The following LMX1A variants were observed in gnomAD, a reference collection of about 807,000 sequenced individuals.
LMX1A encodes LIM homeobox transcription factor 1-alpha.
In LMX1A, 15 loss-of-function variants were observed where a neutral mutation model predicts 49.1. The ratio of observed to expected loss-of-function variants is 0.31; its 90% confidence interval spans 0.20 to 0.47. LMX1A has a LOEUF of 0.47. Among genes scored for constraint, LMX1A ranks in the 20% least tolerant of loss-of-function variants. The pLI, the probability that LMX1A is intolerant of heterozygous loss-of-function variation, is 1.00. For missense variants in LMX1A, 372 were observed against 475.8 expected, an observed-to-expected ratio of 0.78 and a Z score of 2.03; for synonymous variants, 167 against 185.7, an observed-to-expected ratio of 0.90 and a Z score of 0.82.
intron 3 of LMX1A, among the ~76,000 whole-genome samples, chr1:165,311,441 C>T (rs187748949): frequency 5.9e-5 from 9 of 152,194 alleles, no homozygotes; most frequent in African/African-American, 2.2e-4. Context: ...AGGGATGACA[C>T]GACAGGAGTG....
intron 3 of LMX1A, among the ~76,000 whole-genome samples, chr1:165,295,157 G>A (rs1308761403): frequency 1.3e-5 from 2 of 151,902 alleles, no homozygotes. Flanking sequence ...AAATGTGAAA[G>A]AACTTTTAAT....
At chr1:165,225,467 T>C (rs188977402) in intron 4 of LMX1A, among the ~76,000 whole-genome samples, 2 of 152,338 alleles carry the variant, frequency 1.3e-5, no homozygotes. Flanking sequence ...TTGCTGACAG[T>C]ACCATCACAA....
At chr1:165,344,862 G>A (rs538506463) in intron 3 of LMX1A, among the ~76,000 whole-genome samples, 8 of 152,292 alleles carry the variant, frequency 5.3e-5, no homozygotes, top group Middle Eastern at 3.4e-3. Flanking sequence ...CCTTTGCAGG[G>A]CCCCATGCTC....
intron 3 of LMX1A, among the ~76,000 whole-genome samples, chr1:165,279,128 T>A (rs1028823169): frequency 3.9e-5 from 6 of 152,188 alleles, no homozygotes; most frequent in Non-Finnish European, 5.9e-5. Flanking sequence ...CATCAATGAG[T>A]TCCAGAATAG....
At chr1:165,308,184 G>T (rs1459727189) in intron 3 of LMX1A, among the ~76,000 whole-genome samples, 2 of 152,218 alleles carry the variant, frequency 1.3e-5, no homozygotes, top group African/African-American at 4.8e-5. Flanking sequence ...ATATCCACAG[G>T]ACAGGAGGCT....
intron 4 of LMX1A, among the ~76,000 whole-genome samples, chr1:165,224,730 C>T (rs1651974895): frequency 6.6e-6 from 1 of 152,170 alleles, no homozygotes; most frequent in South Asian, 2.1e-4. Context: ...CAATGCGTTG[C>T]ACAAACAAAT....
intron 3 of LMX1A, among the ~76,000 whole-genome samples, chr1:165,335,983 T>C (rs1027616489): frequency 1.3e-5 from 2 of 152,140 alleles, no homozygotes; most frequent in African/African-American, 4.8e-5. Context: ...GAGCCTACTC[T>C]GCAATTGGTT....
chr1:165,234,112 T>C lies in LMX1A; in HGVS notation c.496+15296A>G, dbSNP rs537026450. 3.3e-5 allele frequency among the ~76,000 whole-genome samples: 5 copies of C among 152,328 alleles called. No homozygotes were observed. The South Asian group carries it at 6.2e-4, about 19-fold the overall frequency. ...CATCAGAGTATATTCAAATAAGATA[T>C]ACAAAATCCTTCACATTTTGGCGTT... On this transcript the variant is annotated intron_variant, in intron 4 of 8. Coordinates refer to ENST00000342310, the MANE Select transcript of LMX1A (RefSeq NM_177398.4).
chr1:165,290,862 C>T (rs1015822559), intron 3 of LMX1A, among the ~76,000 whole-genome samples: 1 of 152,158 alleles, frequency 6.6e-6, no homozygotes, highest in African/African-American at 2.4e-5. Flanking sequence ...GTGGTGGAAC[C>T]CAGCAGTCTG....
At chr1:165,298,534 C>T (rs1236234174) in intron 3 of LMX1A, among the ~76,000 whole-genome samples, 1 of 152,208 alleles carries the variant, frequency 6.6e-6, no homozygotes, top group Non-Finnish European at 1.5e-5. Flanking sequence ...GATATTTTAC[C>T]TGCCATTCTG....
chr1:165,296,394 G>C (rs1451443601), intron 3 of LMX1A, among the ~76,000 whole-genome samples: 3 of 152,220 alleles, frequency 2.0e-5, no homozygotes, highest in Admixed American at 6.5e-5. Flanking sequence ...ACAGGAGCAG[G>C]CCCCACAGGG....
intron 3 of LMX1A, among the ~76,000 whole-genome samples, chr1:165,344,868 T>C (rs1656185681): frequency 6.6e-6 from 1 of 152,160 alleles, no homozygotes; most frequent in African/African-American, 2.4e-5. Flanking sequence ...CAGGGCCCCA[T>C]GCTCAGGAGA....
chr1:165,281,578 AG>A (rs1654149162), intron 3 of LMX1A, among the ~76,000 whole-genome samples: 1 of 152,204 alleles, frequency 6.6e-6, no homozygotes, highest in Non-Finnish European at 1.5e-5. Flanking sequence ...ATTGGAGGAA[AG>A]GTTTCAGGCT....
At chr1:165,324,417 C>T (rs1162390993) in intron 3 of LMX1A, among the ~76,000 whole-genome samples, 1 of 152,134 alleles carries the variant, frequency 6.6e-6, no homozygotes, top group Non-Finnish European at 1.5e-5. Context: ...GTCCACAGTG[C>T]ATTTTGGCCA....
chr1:165,282,196 A>T (rs2101706945), intron 3 of LMX1A, among the ~76,000 whole-genome samples: 1 of 152,178 alleles, frequency 6.6e-6, no homozygotes, highest in East Asian at 1.9e-4. Flanking sequence ...TAAATCCCAA[A>T]TCTCTATCAC....
At chr1:165,223,003 T>A (rs2102613808) in intron 4 of LMX1A, among the ~76,000 whole-genome samples, 1 of 152,064 alleles carries the variant, frequency 6.6e-6, no homozygotes, top group Middle Eastern at 3.4e-3. Flanking sequence ...TCACTGCTAA[T>A]GAATACAGAG....
chr1:165,313,230 T>A (rs1655123848), intron 3 of LMX1A, among the ~76,000 whole-genome samples: 2 of 152,166 alleles, frequency 1.3e-5, no homozygotes, highest in East Asian at 3.8e-4. Flanking sequence ...TATAAAAGTA[T>A]AAATGATTTC....
At chr1:165,265,007 T>A (rs1653574423) in intron 3 of LMX1A, among the ~76,000 whole-genome samples, 1 of 151,798 alleles carries the variant, frequency 6.6e-6, no homozygotes, top group South Asian at 2.1e-4. Flanking sequence ...ATCAAGACCA[T>A]CCTGGCTAAT....
chr1:165,264,683 G>A (rs997174611), intron 3 of LMX1A, among the ~76,000 whole-genome samples: 1 of 152,162 alleles, frequency 6.6e-6, no homozygotes, highest in African/African-American at 2.4e-5. Flanking sequence ...GAGGCCTAGT[G>A]CGGTGGCTCA....
Sources: allele counts gnomAD v4.1 joint callset (sites outside exome capture counted in the v4.1 genomes callset), GRCh38; gene constraint gnomAD v4.1.1; transcripts MANE v1.5; gene names NCBI Gene and HGNC (gene_info 2026-07-23, HGNC 2026-07-21).